The following KHDRBS3 variants were observed in gnomAD, a reference collection of about 807,000 sequenced individuals.
The protein encoded by KHDRBS3 is KH domain-containing, RNA-binding, signal transduction-associated protein 3.
KHDRBS3 carries 23 observed loss-of-function variants against 45.6 expected under a neutral mutation model. The ratio of observed to expected loss-of-function variants is 0.50; its 90% CI spans 0.36 to 0.72. The LOEUF (loss-of-function observed/expected upper bound fraction) is 0.72, where lower values mean the gene tolerates loss of function less well. Among genes scored for constraint, KHDRBS3 ranks in the 30% least tolerant of loss-of-function variants. The pLI is 0.00. For missense variants in KHDRBS3, 352 were observed against 424.8 expected (o/e 0.83, Z 1.51); for synonymous variants, 162 against 156.5 (o/e 1.04, Z -0.26).
At chr8:135,486,498 C>T (rs1245003381) in intron 1 of KHDRBS3, among the ~76,000 whole-genome samples, 1 of 152,140 alleles carries the variant, frequency 6.6e-6, no homozygotes, top group Admixed American at 6.5e-5. Context: ...AAAACAGATG[C>T]TATCTTCATT....
intron 1 of KHDRBS3, among the ~76,000 whole-genome samples, chr8:135,509,747 T>C (rs779239681): frequency 1.1e-4 from 16 of 152,220 alleles, no homozygotes; most frequent in Non-Finnish European, 2.1e-4. Flanking sequence ...TGACTATGTA[T>C]AATTAAGGAG....
At chr8:135,533,674 A>T (rs977504027) in intron 2 of KHDRBS3, among the ~76,000 whole-genome samples, 6 of 152,194 alleles carry the variant, frequency 3.9e-5, no homozygotes, top group Admixed American at 3.9e-4. Flanking sequence ...CCTTTCTCAC[A>T]GTTTCTTAGC....
chr8:135,635,771 C>T (rs1215135749), intron 7 of KHDRBS3, among the ~76,000 whole-genome samples: 1 of 152,212 alleles, frequency 6.6e-6, no homozygotes, highest in Non-Finnish European at 1.5e-5. Flanking sequence ...CATTAAAATA[C>T]CTTGGTCTGC....
chr8:135,584,071 G>A (rs1010934091), intron 6 of KHDRBS3, among the ~76,000 whole-genome samples: 11 of 152,248 alleles, frequency 7.2e-5, no homozygotes, highest in African/African-American at 2.2e-4. Context: ...GATTACCTGC[G>A]TTTTTCCAGA....
At chr8:135,498,188 T>G (rs1823555554) in intron 1 of KHDRBS3, among the ~76,000 whole-genome samples, 1 of 152,228 alleles carries the variant, frequency 6.6e-6, no homozygotes, top group Non-Finnish European at 1.5e-5. Flanking sequence ...ACTGAAGCTT[T>G]ATTACATAAA....
intron 6 of KHDRBS3, among the ~76,000 whole-genome samples, chr8:135,597,536 T>C (rs1423426883): frequency 6.6e-6 from 1 of 152,102 alleles, no homozygotes; most frequent in African/African-American, 2.4e-5. Context: ...TCCCTGGCCA[T>C]AGTGTCTAAA....
intron 6 of KHDRBS3, among the ~76,000 whole-genome samples, chr8:135,605,498 A>G (rs1203940664): frequency 1.3e-5 from 2 of 152,108 alleles, no homozygotes; most frequent in African/African-American, 2.4e-5. Context: ...TGTTTTCTAT[A>G]TCTATATTAA....
At chr8:135,500,444 T>G (rs183663774) in intron 1 of KHDRBS3, among the ~76,000 whole-genome samples, 1 of 152,252 alleles carries the variant, frequency 6.6e-6, no homozygotes, top group Admixed American at 6.5e-5. Context: ...TGGAAGTAGT[T>G]TTTTAAATGC....
chr8:135,528,159 A>G (rs1825288009), intron 2 of KHDRBS3, among the ~76,000 whole-genome samples: 1 of 152,216 alleles, frequency 6.6e-6, no homozygotes, highest in Non-Finnish European at 1.5e-5. Context: ...TTAACCAGCA[A>G]AAGTTTCTTC....
intron 6 of KHDRBS3, among the ~76,000 whole-genome samples, chr8:135,593,916 A>G (rs1828860365): frequency 6.6e-6 from 1 of 152,162 alleles, no homozygotes; most frequent in Admixed American, 6.5e-5. Context: ...TTTAGAGGAG[A>G]CAACATTTAA....
At chr8:135,509,815 A>T (rs1166288104) in intron 1 of KHDRBS3, among the ~76,000 whole-genome samples, 1 of 152,182 alleles carries the variant, frequency 6.6e-6, no homozygotes, top group Admixed American at 6.5e-5. Flanking sequence ...ATTGTACAAA[A>T]TTTTAATAAT....
chr8:135,519,776 A>G (rs1055804132), intron 1 of KHDRBS3, among the ~76,000 whole-genome samples: 1 of 152,220 alleles, frequency 6.6e-6, no homozygotes, highest in Non-Finnish European at 1.5e-5. Context: ...TGCTCATTCA[A>G]AACCTTTGTT....
intron 7 of KHDRBS3, among the ~76,000 whole-genome samples, chr8:135,644,500 G>A (rs1377613657): frequency 2.0e-5 from 3 of 152,190 alleles, no homozygotes; most frequent in Non-Finnish European, 4.4e-5. Context: ...TTTCATCTGG[G>A]CATTTGTTTT....
At chr8:135,599,447 A>C (rs1427703826) in intron 6 of KHDRBS3, among the ~76,000 whole-genome samples, 1 of 152,254 alleles carries the variant, frequency 6.6e-6, no homozygotes, top group Non-Finnish European at 1.5e-5. Flanking sequence ...AAAATGATAT[A>C]GGTGAGTTCT....
chr8:135,535,969 C>T (rs1166579284), intron 2 of KHDRBS3, among the ~76,000 whole-genome samples: 2 of 152,088 alleles, frequency 1.3e-5, no homozygotes, highest in African/African-American at 4.8e-5. Flanking sequence ...CCCACTATCT[C>T]CCCAGGGGAA....
chr8:135,513,880 A>G (rs1174653785), intron 1 of KHDRBS3, among the ~76,000 whole-genome samples: 2 of 150,552 alleles, frequency 1.3e-5, no homozygotes, highest in African/African-American at 2.4e-5. Flanking sequence ...TTTTTCCTTC[A>G]TCTACTTTAT....
chr8:135,628,963 C>T (rs772062763), intron 7 of KHDRBS3, among the ~76,000 whole-genome samples: 4 of 152,210 alleles, frequency 2.6e-5, no homozygotes, highest in African/African-American at 9.6e-5. Context: ...GAGAGATAAT[C>T]ATTTCTCTCA....
chr8:135,636,147 T>A (rs1042712112), intron 7 of KHDRBS3, among the ~76,000 whole-genome samples: 1 of 152,148 alleles, frequency 6.6e-6, no homozygotes, highest in Non-Finnish European at 1.5e-5. Context: ...GTAACAATGA[T>A]GTTTATGGAA....
At chr8:135,538,928 GGAAAACAACA>G (rs1309370740) in intron 2 of KHDRBS3, 1 of 152,060 alleles carries the variant, frequency 6.6e-6, no homozygotes, top group Non-Finnish European at 1.5e-5. Flanking sequence ...TTTAAAAAAA[GGAAAACAACA>G]AAAAACAACA....
Sources: gnomAD v4.1 joint callset for allele counts (sites outside exome capture counted in the v4.1 genomes callset) on GRCh38, gnomAD v4.1.1 for gene constraint, MANE v1.5 for transcripts, NCBI Gene and HGNC (gene_info 2026-07-23, HGNC 2026-07-21) for gene names.